LMOD1: variants seen among roughly 807,000 people sequenced by gnomAD.
LMOD1 encodes the protein leiomodin-1.
In LMOD1, 8 loss-of-function variants were observed where a neutral mutation model predicts 36.5. The ratio of observed to expected loss-of-function variants is 0.22; its 90% CI spans 0.13 to 0.40. The LOEUF (loss-of-function observed/expected upper bound fraction) is 0.40, where lower values mean the gene tolerates loss of function less well. Ranked by LOEUF, LMOD1 falls within the 10% of genes least tolerant of loss-of-function variation. LMOD1 has a pLI of 1.00. For missense variants in LMOD1, 630 were observed against 751.1 expected, an observed-to-expected ratio of 0.84 and a Z score of 1.88; for synonymous variants, 284 against 288.7, an observed-to-expected ratio of 0.98 and a Z score of 0.17.
intron 1 of LMOD1, among the ~76,000 whole-genome samples, chr1:201,933,525 C>G (rs969850840): frequency 6.9e-6 from 1 of 144,020 alleles, no homozygotes; most frequent in Non-Finnish European, 1.5e-5. Flanking sequence ...TTCTCTCTCT[C>G]TCTCTCTATA....
chr1:201,903,244 G>A (rs367752489), intron 1 of LMOD1, among the ~76,000 whole-genome samples: 3 of 152,314 alleles, frequency 2.0e-5, no homozygotes, highest in East Asian at 1.9e-4. Context: ...TTTTAGCAGC[G>A]AGAGTCCTTG....
chr1:201,924,664 AAAAAGAAAG>A (rs1201489461), intron 1 of LMOD1, among the ~76,000 whole-genome samples: 2 of 115,384 alleles, frequency 1.7e-5, no homozygotes, highest in African/African-American at 3.8e-5. Flanking sequence ...AAGAAAGAAA[AAAAAGAAAG>A]AAAGAAAGAA....
In LMOD1 at chr1:201,946,168, T is replaced by A; in HGVS notation, c.173A>T (p.Gln58Leu). The change falls in exon 1 of 3, where the codon CAG becomes CTG. Residue 58 changes from glutamine to leucine, a missense_variant. Gln to Leu is a moderately radical substitution (Grantham distance 113). Coordinates refer to ENST00000367288, the MANE Select transcript of LMOD1 (RefSeq NM_012134.3). ...GLRQRNQTEK[Q>L]STGVYNREAM... ...CTCCCGGTTGTACACACCCGTGGAC[T>A]GTTTCTCCGTCTGGTTTCTCTGCCG... The A allele has an allele frequency of 6.2e-7, 1 of 1,614,006 alleles. No individual in the cohort carries two copies. The highest frequency in any genetic ancestry group is 1.1e-5 in the South Asian group (1 of 91,086).
At chr1:201,902,697 G>A (rs975817032) in intron 1 of LMOD1, among the ~76,000 whole-genome samples, 3 of 151,888 alleles carry the variant, frequency 2.0e-5, no homozygotes, top group African/African-American at 7.3e-5. Context: ...CACCCACCTC[G>A]GCCTCCCAAA....
In LMOD1 at chr1:201,946,268, A is replaced by G; in HGVS notation, c.73T>C (p.Ser25Pro). The G allele has an allele frequency of 6.2e-7, 1 of 1,613,838 alleles. No homozygotes were observed. Among genetic ancestry groups the G allele is most frequent in the Non-Finnish European group, 8.5e-7 (1 of 1,179,864 alleles). The change falls in exon 1 of 3, where the codon TCT becomes CCT. Residue 25 changes from serine (S) to proline (P), a missense_variant. This residue lies in a region of LMOD1 where 405 missense variants were observed against 400.6 expected (regional missense o/e 1.01). Transcript: ENST00000367288. ...PDIDSLLETLSPEEMEELEKE... is the reference protein window; with the variant it reads ...PDIDSLLETLPPEEMEELEKE... ...TCCAGCTCCTCCATCTCCTCGGGAG[A>G]CAGGGTCTCCAGCAGGCTGTCGATG...
intron 1 of LMOD1, among the ~76,000 whole-genome samples, chr1:201,926,745 C>A (rs753056237): frequency 6.6e-6 from 1 of 152,034 alleles, no homozygotes; most frequent in South Asian, 2.1e-4. Flanking sequence ...AGCAGGGAGC[C>A]GTAGCTCACA....
intron 1 of LMOD1, among the ~76,000 whole-genome samples, chr1:201,933,529 C>A (rs12038875): frequency 0.074 from 9,215 of 124,834 alleles, 378 homozygotes; most frequent in African/African-American, 0.098. Flanking sequence ...CTCTCTCTCT[C>A]TCTATATATA....
chr1:201,936,745 T>C (rs1456657040), intron 1 of LMOD1, among the ~76,000 whole-genome samples: 1 of 152,148 alleles, frequency 6.6e-6, no homozygotes, highest in Non-Finnish European at 1.5e-5. Flanking sequence ...GAGACCAGCC[T>C]GGCCAACATG....
chr1:201,898,239 TG>T lies in LMOD1; in HGVS notation c.*132del. ...TCCTTCCTTGAGCGTGACCCAGGCC[TG>T]GACTCTCCCATGGCAGAATAGGGAC... On this transcript the variant is annotated 3_prime_UTR_variant, in exon 3 of 3. Transcript: ENST00000367288. 1.1e-6 allele frequency: 1 copy of T among 884,346 alleles called. No homozygotes were observed. The highest frequency in any genetic ancestry group is 1.8e-6 in the Non-Finnish European group (1 of 540,552). The allele number at this position is 884,346 out of a possible 1,614,324, so 54.8% of individuals were successfully genotyped here. A position where few individuals can be genotyped will look rare whatever the true frequency, so the allele number is the denominator to read the frequency against.
chr1:201,907,892 C>G (rs946602086), intron 1 of LMOD1, among the ~76,000 whole-genome samples: 1 of 152,184 alleles, frequency 6.6e-6, no homozygotes, highest in East Asian at 1.9e-4. Flanking sequence ...ACATGAGAAA[C>G]AGTCTTGCCC....
At chr1:201,942,825 C>T (rs549272995) in intron 1 of LMOD1, among the ~76,000 whole-genome samples, 38 of 152,136 alleles carry the variant, frequency 2.5e-4, no homozygotes, top group African/African-American at 8.2e-4. Flanking sequence ...ATACCCCCAC[C>T]CAGATTATTT....
chr1:201,900,611 G>C lies in LMOD1; in HGVS notation c.402C>G (p.Phe134Leu). The change falls in exon 2 of 3, where the codon TTC (phenylalanine) becomes TTG (leucine). Residue 134 changes from phenylalanine to leucine, a missense_variant. Phe to Leu is a conservative substitution (Grantham distance 22). This residue lies in a region of LMOD1 where 405 missense variants were observed against 400.6 expected (regional missense o/e 1.01). Transcript: ENST00000367288. ...CACCAGCTTCATCTCTGTCTCTAGA[G>C]AAGCTTTTCTTTAAACCACCCCTCT... is the stretch of plus-strand genomic sequence containing the variant. ...EPKRGGLKKS[F>L]SRDRDEAGGK... 6.2e-7 allele frequency: 1 copy of C among 1,613,792 alleles called. No homozygotes were observed. Among genetic ancestry groups the C allele is most frequent in the African/African-American group, 1.3e-5 (1 of 74,978 alleles).
At chr1:201,914,835 C>T (rs182987534) in intron 1 of LMOD1, among the ~76,000 whole-genome samples, 62 of 151,996 alleles carry the variant, frequency 4.1e-4, no homozygotes, top group African/African-American at 1.4e-3. Flanking sequence ...TCCCTCTTTC[C>T]TGGCCCCTTC....
In LMOD1 at chr1:201,900,435, C is replaced by T. The variant is rs369212393; in HGVS notation, c.578G>A (p.Gly193Glu). The part of the protein sequence containing the change: ...VATKKEEEKK[G>E]SDRNTGLSRD... ...GCTCAAGCCTGTGTTCCTGTCACTCCCTTTCTTCTCCTCTTCCTTCTTGGT... is the reference window on the plus strand; with the variant it reads ...GCTCAAGCCTGTGTTCCTGTCACTCTCTTTCTTCTCCTCTTCCTTCTTGGT... Residue 193 changes from glycine (G) to glutamate (E), a missense_variant, in exon 2 of 3, where the codon GGG (glycine) becomes GAG (glutamate). Physicochemically the swap from Gly to Glu is moderately conservative, Grantham distance 98 (BLOSUM62 -2). Transcript: ENST00000367288. 1.1e-4 allele frequency: 176 copies of T among 1,591,262 alleles called. No homozygotes were observed. The highest frequency in any genetic ancestry group is 1.8e-4 in the Admixed American group (10 of 55,930).
intron 1 of LMOD1, among the ~76,000 whole-genome samples, chr1:201,910,185 CTTTTGGGCTGCTGGGAGCCA>C (rs1283555635): frequency 1.3e-5 from 2 of 152,136 alleles, no homozygotes; most frequent in Non-Finnish European, 2.9e-5. Context: ...GGGAGGAGCC[CTTTTGGGCTGCTGGGAGCCA>C]GGGGCCTTCA....
chr1:201,900,568 G>A lies in LMOD1; in HGVS notation c.445C>T (p.Pro149Ser), dbSNP rs779012267. ...DEAGGKSGEK[P>S]KEEKIIRGID... is the part of the protein sequence containing the mutation. Reference sequence around the variant, plus strand: ...CCCCGGATGATCTTCTCCTCCTTGGGCTTCTCGCCACTCTTGCCACCAGCT... The same window carrying A: ...CCCCGGATGATCTTCTCCTCCTTGGACTTCTCGCCACTCTTGCCACCAGCT... Residue 149 changes from proline (P) to serine (S), a missense_variant, in exon 2 of 3, where the codon CCC becomes TCC. By Grantham distance (74) the Pro-to-Ser change is moderately conservative. Transcript: ENST00000367288. 1.9e-6 allele frequency: 3 copies of A among 1,613,416 alleles called. No homozygotes were observed. Among genetic ancestry groups the A allele is most frequent in the South Asian group, 1.1e-5 (1 of 91,056 alleles).
At chr1:201,936,433 G>A (rs1487361238) in intron 1 of LMOD1, among the ~76,000 whole-genome samples, 1 of 152,078 alleles carries the variant, frequency 6.6e-6, no homozygotes, top group Non-Finnish European at 1.5e-5. Flanking sequence ...TGCCCTAAAA[G>A]TCCCCACATG....
At chr1:201,905,438 T>C (rs948893073) in intron 1 of LMOD1, among the ~76,000 whole-genome samples, 4 of 152,254 alleles carry the variant, frequency 2.6e-5, no homozygotes, top group Non-Finnish European at 5.9e-5. Context: ...CTTCTGATGC[T>C]GCTTTCTTTA....
Position 201,897,966 on chromosome 1 carries a change from G to A in LMOD1, c.*406C>T. 1 of 186,792 alleles carries A rather than the reference G, an allele frequency of 5.4e-6. No individual in the cohort carries two copies. The highest frequency in any genetic ancestry group is 1.1e-5 in the Non-Finnish European group (1 of 90,630). 11.6% of individuals were successfully genotyped at this position (186,792 alleles called of 1,614,324 possible). A position where few individuals can be genotyped will look rare whatever the true frequency, so the allele number is the denominator to read the frequency against. On this transcript the variant is annotated 3_prime_UTR_variant, in exon 3 of 3. Coordinates refer to ENST00000367288, the MANE Select transcript of LMOD1 (RefSeq NM_012134.3). ...ACTGGCCCAGCAGCTTTGCCCCGTGGGCTCCTCAGAGGCCTGAATCCTGGC... is the reference window on the plus strand; with the variant it reads ...ACTGGCCCAGCAGCTTTGCCCCGTGAGCTCCTCAGAGGCCTGAATCCTGGC...
Sources: allele counts gnomAD v4.1 joint callset (sites outside exome capture counted in the v4.1 genomes callset), GRCh38; gene constraint gnomAD v4.1.1; regional missense constraint gnomAD v4.1.1; transcripts MANE v1.5; gene names NCBI Gene and HGNC (gene_info 2026-07-23, HGNC 2026-07-21).